DENND5B: variants seen among roughly 807,000 people sequenced by gnomAD.
The protein encoded by DENND5B is DENN domain-containing protein 5B.
DENND5B carries 34 observed loss-of-function variants against 140.6 expected under a neutral mutation model. That is an observed-to-expected ratio of 0.24 (90% CI 0.18 to 0.32). DENND5B has a LOEUF of 0.32. DENND5B is among the 10% of genes least tolerant of loss of function. The pLI is 1.00. For missense variants in DENND5B, 1,142 were observed against 1,560.2 expected, an observed-to-expected ratio of 0.73 and a Z score of 4.52; for synonymous variants, 551 against 562.1, an observed-to-expected ratio of 0.98 and a Z score of 0.28.
At chr12:31,511,921 C>CTTTTTTTTTT (rs761566462) in intron 1 of DENND5B, among the ~76,000 whole-genome samples, 17 of 98,934 alleles carry the variant, frequency 1.7e-4, no homozygotes, top group Non-Finnish European at 2.2e-4. Flanking sequence ...CTCCACTGCC[C>CTTTTTTTTTT]TTTTTTTTTT....
At chr12:31,427,183 A>C (rs1362666020) in intron 8 of DENND5B, among the ~76,000 whole-genome samples, 3 of 152,104 alleles carry the variant, frequency 2.0e-5, no homozygotes, top group African/African-American at 4.8e-5. Context: ...GTTTGTGGTA[A>C]CTCTAAGGTA....
At chr12:31,467,637 A>T (rs1284492224) in intron 3 of DENND5B, among the ~76,000 whole-genome samples, 1 of 152,156 alleles carries the variant, frequency 6.6e-6, no homozygotes, top group African/African-American at 2.4e-5. Context: ...AAACAAAATA[A>T]GGTCACTATG....
At chr12:31,515,162 G>A (rs912853619) in intron 1 of DENND5B, among the ~76,000 whole-genome samples, 6 of 151,972 alleles carry the variant, frequency 3.9e-5, no homozygotes, top group African/African-American at 7.3e-5. Flanking sequence ...ATTATAAGCC[G>A]AGTGTGGTGG....
chr12:31,425,539 A>C (rs1470206169), intron 9 of DENND5B, among the ~76,000 whole-genome samples: 1 of 152,174 alleles, frequency 6.6e-6, no homozygotes, highest in Admixed American at 6.6e-5. Context: ...CTCCTTTTTT[A>C]TCTTTTCTTT....
intron 1 of DENND5B, among the ~76,000 whole-genome samples, chr12:31,502,836 C>T (rs1224465360): frequency 6.6e-6 from 1 of 152,126 alleles, no homozygotes; most frequent in Non-Finnish European, 1.5e-5. Flanking sequence ...GAGAAAGCTG[C>T]CTACAGAACT....
chr12:31,507,462 T>G (rs941334633), intron 1 of DENND5B, among the ~76,000 whole-genome samples: 5 of 152,196 alleles, frequency 3.3e-5, no homozygotes, highest in African/African-American at 1.2e-4. Flanking sequence ...TTTTAGGTGC[T>G]GTGCAGCTTA....
intron 1 of DENND5B, among the ~76,000 whole-genome samples, chr12:31,525,871 T>C (rs933979355): frequency 6.6e-6 from 1 of 152,102 alleles, no homozygotes; most frequent in Admixed American, 6.6e-5. Context: ...CAAGTGCCTG[T>C]GGTCCCAGCT....
chr12:31,567,265 C>T (rs1446015586), intron 1 of DENND5B, among the ~76,000 whole-genome samples: 1 of 150,894 alleles, frequency 6.6e-6, no homozygotes, highest in Non-Finnish European at 1.5e-5. Flanking sequence ...CTGCAGTGAG[C>T]TGTGATAGCA....
chr12:31,382,728 T>C lies in DENND5B; in HGVS notation c.*4875A>G, dbSNP rs79810353. 9 of 151,934 alleles carry C rather than the reference T, an allele frequency of 5.9e-5. No individual in the cohort carries two copies. Among genetic ancestry groups the C allele is most frequent in the African/African-American group, 1.4e-4 (6 of 41,394 alleles). 9.4% of individuals were successfully genotyped at this position (151,934 alleles called of 1,614,324 possible). Reference sequence around the variant, plus strand: ...AATTTTATTTGAGGTTTTTTTTTTTTCCTCTAGCTTGATGTGATATATCTC... The same window carrying C: ...AATTTTATTTGAGGTTTTTTTTTTTCCCTCTAGCTTGATGTGATATATCTC... On this transcript the variant is annotated 3_prime_UTR_variant, in exon 21 of 21. Transcript: ENST00000389082.
chr12:31,411,040 CT>C (rs59646978), intron 13 of DENND5B, among the ~76,000 whole-genome samples: 21,299 of 140,062 alleles, frequency 0.15, 1,471 homozygotes, highest in Non-Finnish European at 0.19. Flanking sequence ...GCATAAATCA[CT>C]TTTTTTTTTT....
chr12:31,427,914 A>G (rs940013533), intron 8 of DENND5B, among the ~76,000 whole-genome samples: 5 of 152,296 alleles, frequency 3.3e-5, no homozygotes, highest in African/African-American at 9.6e-5. Flanking sequence ...TACATTTAAT[A>G]TATTTCTCCT....
At chr12:31,408,585 C>T (rs1220826538) in intron 14 of DENND5B, among the ~76,000 whole-genome samples, 1 of 139,706 alleles carries the variant, frequency 7.2e-6, no homozygotes, top group Non-Finnish European at 1.5e-5. Context: ...TGAGATCGTG[C>T]CACTGCACTC....
At chr12:31,404,282 T>C (rs1318034393) in intron 14 of DENND5B, among the ~76,000 whole-genome samples, 2 of 152,152 alleles carry the variant, frequency 1.3e-5, no homozygotes, top group African/African-American at 2.4e-5. Context: ...ATCACAGCCA[T>C]ACATTTCTGG....
chr12:31,499,544 C>T, intron 1 of DENND5B: 1 of 1,320,658 alleles, frequency 7.6e-7, no homozygotes, highest in South Asian at 1.7e-5. Context: ...TTATAATGGG[C>T]TTGCAGTCAA....
intron 3 of DENND5B, chr12:31,465,631 GCAGGGATTA>G (rs1360106629): frequency 1.1e-4 from 16 of 152,364 alleles, no homozygotes; most frequent in African/African-American, 3.6e-4. Flanking sequence ...CCTTCTAAAT[GCAGGGATTA>G]CAGGCGTGAG....
intron 1 of DENND5B, among the ~76,000 whole-genome samples, chr12:31,565,634 C>T (rs1290883169): frequency 6.6e-6 from 1 of 152,150 alleles, no homozygotes; most frequent in Non-Finnish European, 1.5e-5. Context: ...TGCTCTCTAT[C>T]AGATTTAAAA....
chr12:31,548,524 G>A (rs190109119), intron 1 of DENND5B, among the ~76,000 whole-genome samples: 81 of 152,202 alleles, frequency 5.3e-4, no homozygotes, highest in African/African-American at 1.8e-3. Context: ...TACATCACAA[G>A]ACCTCTTGGA....
Position 31,567,750 on chromosome 12 carries a change from G to A in DENND5B, c.127+22956C>T, listed in dbSNP as rs1228735430. 5.3e-5 allele frequency among the ~76,000 whole-genome samples: 8 copies of A among 152,276 alleles called. No individual in the cohort carries two copies. The East Asian group carries it at 1.5e-3, about 29-fold the overall frequency. ...TGCTTGAGCCCAGGAGATTAAGGCT[G>A]CAGTGAGCTATGATCTCACCACTGC... is the stretch of plus-strand genomic sequence containing the variant. On this transcript the variant is annotated intron_variant, in intron 1 of 20. Transcript: ENST00000389082.
chr12:31,387,534 A>G lies in DENND5B; in HGVS notation c.*69T>C. 1 of 1,531,676 alleles carries G rather than the reference A, an allele frequency of 6.5e-7. No individual in the cohort carries two copies. Among genetic ancestry groups the G allele is most frequent in the South Asian group, 1.3e-5 (1 of 79,776 alleles). The allele number at this position is 1,531,676 out of a possible 1,614,324, so 94.9% of individuals were successfully genotyped here. A position where few individuals can be genotyped will look rare whatever the true frequency, so the allele number is the denominator to read the frequency against. On this transcript the variant is annotated 3_prime_UTR_variant, in exon 21 of 21. Transcript: ENST00000389082. Reference sequence around the variant, plus strand: ...CCCTGCAGTGACTCACTACTGTCAGACAAGTCCAAATCGGTCCCCTAGTTG... The same window carrying G: ...CCCTGCAGTGACTCACTACTGTCAGGCAAGTCCAAATCGGTCCCCTAGTTG...
Sources: allele counts gnomAD v4.1 joint callset (sites outside exome capture counted in the v4.1 genomes callset), GRCh38; gene constraint gnomAD v4.1.1; transcripts MANE v1.5; gene names NCBI Gene and HGNC (gene_info 2026-07-23, HGNC 2026-07-21).